Variants in SIL1 observed in about 807,000 individuals in gnomAD.
SIL1 encodes SIL1 nucleotide exchange factor, also known as nucleotide exchange factor SIL1.
Under a neutral mutation model 49.1 loss-of-function variants are expected in SIL1, and 40 were observed. The observed-to-expected ratio is 0.81, with a 90% CI of 0.63 to 1.06. The LOEUF (loss-of-function observed/expected upper bound fraction) is 1.06. Among genes scored for constraint, SIL1 ranks in the 50% least tolerant of loss-of-function variants. The probability of loss-of-function intolerance (pLI) is 0.00; values close to 1 mark genes in which losing one functional copy is unlikely to be tolerated. For missense variants in SIL1, 500 were observed against 572.6 expected, an observed-to-expected ratio of 0.87 and a Z score of 1.29; for synonymous variants, 253 against 250.8, an observed-to-expected ratio of 1.01 and a Z score of -0.08.
intron 3 of SIL1, among the ~76,000 whole-genome samples, chr5:139,083,056 G>C (rs1364569482): frequency 6.6e-6 from 1 of 152,182 alleles, no homozygotes; most frequent in Non-Finnish European, 1.5e-5. Flanking sequence ...GATACCAACT[G>C]CTCCTGATTT....
intron 3 of SIL1, among the ~76,000 whole-genome samples, chr5:139,114,179 C>T (rs952088303): frequency 6.6e-6 from 1 of 152,186 alleles, no homozygotes; most frequent in Admixed American, 6.5e-5. Flanking sequence ...CTCAGCCAGC[C>T]GGCTGCAAAG....
rs770731846 is a variant in SIL1 at position 139,042,612 on chromosome 5, T to G, written c.453+8A>C. The G allele has an allele frequency of 6.2e-7, 1 of 1,613,206 alleles. No homozygotes were observed. The highest frequency in any genetic ancestry group is 1.1e-5 in the South Asian group (1 of 91,058). On this transcript the variant is annotated splice_region_variant and intron_variant, in intron 5 of 9. Transcript: ENST00000394817. The stretch of plus-strand genomic sequence containing the variant: ...AGGCTTATACTCACAGGAAAAATAA[T>G]CACACACCTTGTCTTCCTTTGAACT...
chr5:138,999,203 C>G (rs958950148), intron 7 of SIL1, among the ~76,000 whole-genome samples: 1 of 152,170 alleles, frequency 6.6e-6, no homozygotes, highest in Non-Finnish European at 1.5e-5. Flanking sequence ...AATATCCACA[C>G]TATATCATGT....
chr5:139,081,910 C>T (rs188592334), intron 3 of SIL1, among the ~76,000 whole-genome samples: 1 of 151,870 alleles, frequency 6.6e-6, no homozygotes, highest in Admixed American at 6.6e-5. Flanking sequence ...CAAAAACACA[C>T]TGAGACCAGC....
At chr5:139,118,507 C>T (rs1187799803) in intron 3 of SIL1, among the ~76,000 whole-genome samples, 1 of 152,196 alleles carries the variant, frequency 6.6e-6, no homozygotes, top group Non-Finnish European at 1.5e-5. Flanking sequence ...AACCAAGGAA[C>T]AGAAATATTC....
At chr5:139,047,107 C>A (rs1261388614) in intron 4 of SIL1, among the ~76,000 whole-genome samples, 1 of 152,274 alleles carries the variant, frequency 6.6e-6, no homozygotes, top group South Asian at 2.1e-4. Context: ...CCATATTGGA[C>A]CTTGGTAAAT....
chr5:139,056,211 C>T (rs1302054924), intron 3 of SIL1, among the ~76,000 whole-genome samples: 1 of 151,246 alleles, frequency 6.6e-6, no homozygotes, highest in Non-Finnish European at 1.5e-5. Context: ...GCCGCCATCC[C>T]ATCTAGGAAG....
intron 5 of SIL1, among the ~76,000 whole-genome samples, chr5:139,036,697 GT>G (rs1361978295): frequency 6.6e-6 from 1 of 152,138 alleles, no homozygotes; most frequent in Non-Finnish European, 1.5e-5. Context: ...GGCCTATTGG[GT>G]GGAGGATGGG....
At chr5:138,963,743 G>A (rs1016788018) in intron 7 of SIL1, among the ~76,000 whole-genome samples, 6 of 152,228 alleles carry the variant, frequency 3.9e-5, no homozygotes, top group African/African-American at 1.4e-4. Context: ...AGAACAATTA[G>A]TTCTAGTTCA....
At chr5:139,087,896 C>T (rs1280970354) in intron 3 of SIL1, among the ~76,000 whole-genome samples, 1 of 152,166 alleles carries the variant, frequency 6.6e-6, no homozygotes, top group African/African-American at 2.4e-5. Context: ...CTCCACATCC[C>T]AAGTGGCTAA....
chr5:138,992,790 C>G (rs1331453079), intron 7 of SIL1, among the ~76,000 whole-genome samples: 1 of 151,936 alleles, frequency 6.6e-6, no homozygotes, highest in African/African-American at 2.4e-5. Context: ...GTGACAGGTG[C>G]ACCAAAATCT....
chr5:139,068,070 T>C (rs1769745608), intron 3 of SIL1, among the ~76,000 whole-genome samples: 1 of 152,112 alleles, frequency 6.6e-6, no homozygotes, highest in South Asian at 2.1e-4. Context: ...TAAGCAAAAA[T>C]AAGTTGCATA....
rs1766681340 is a variant in SIL1, at chr5:138,948,334, C to T, written c.1030-861G>A. Among the ~76,000 whole-genome samples, 1 of 152,188 alleles carries T rather than the reference C, an allele frequency of 6.6e-6. No homozygotes were observed. Among genetic ancestry groups the T allele is most frequent in the South Asian group, 2.1e-4 (1 of 4,832 alleles). On this transcript the variant is annotated intron_variant, in intron 9 of 9. Transcript: ENST00000394817. This position sits in a 1 kb window ranked among gnomAD's most constrained non-coding sequence, Gnocchi z 4.8. ...GGTATCCCCTAGTCCTTTCCTACTT[C>T]ACCCCTCAGTCCTGCCAGCTTCGCT...
chr5:139,197,616 T>C (rs945143220), intron 1 of SIL1, among the ~76,000 whole-genome samples: 5 of 152,138 alleles, frequency 3.3e-5, no homozygotes, highest in Admixed American at 6.6e-5. Flanking sequence ...AGAGCCCCAT[T>C]CCAGGGGCTC....
chr5:139,156,866 C>T (rs992798971), intron 1 of SIL1, among the ~76,000 whole-genome samples: 10 of 152,204 alleles, frequency 6.6e-5, no homozygotes, highest in African/African-American at 9.6e-5. Flanking sequence ...TTGTTTTAAG[C>T]CACCAAGTTT....
intron 1 of SIL1, among the ~76,000 whole-genome samples, chr5:139,150,265 G>A (rs1031050287): frequency 2.6e-5 from 4 of 152,022 alleles, no homozygotes; most frequent in African/African-American, 9.7e-5. Context: ...CTCTCCTCTT[G>A]TATGTTCCAC....
chr5:139,125,782 A>G (rs968729981), intron 2 of SIL1, among the ~76,000 whole-genome samples: 1 of 152,064 alleles, frequency 6.6e-6, no homozygotes, highest in Non-Finnish European at 1.5e-5. Context: ...ACAAGGCTCC[A>G]CTACTGTACC....
intron 7 of SIL1, among the ~76,000 whole-genome samples, chr5:138,956,477 C>A (rs970874331): frequency 3.3e-5 from 5 of 152,208 alleles, no homozygotes; most frequent in Admixed American, 3.3e-4. Context: ...GGCGCAGTGG[C>A]TCACGCCTGT....
chr5:139,037,796 T>C (rs1768952041), intron 5 of SIL1, among the ~76,000 whole-genome samples: 1 of 152,244 alleles, frequency 6.6e-6, no homozygotes, highest in Admixed American at 6.5e-5. Flanking sequence ...AAAATTCTTG[T>C]TAGATGATTT....
Sources: gnomAD v4.1 joint callset for allele counts (sites outside exome capture counted in the v4.1 genomes callset) on GRCh38, gnomAD v4.1.1 for gene constraint, Gnocchi (gnomAD v3.1) non-coding constraint, MANE v1.5 for transcripts, NCBI Gene and HGNC (gene_info 2026-07-23, HGNC 2026-07-21) for gene names.